The following ZRANB3 variants were observed in gnomAD, a reference collection of about 807,000 sequenced individuals.
ZRANB3 encodes DNA annealing helicase and endonuclease ZRANB3.
Under a neutral mutation model 133.8 loss-of-function variants are expected in ZRANB3, and 125 were observed. That is an observed-to-expected ratio of 0.93 (90% confidence interval 0.81 to 1.08). ZRANB3 has a LOEUF of 1.08. ZRANB3 is among the 50% of genes least tolerant of loss of function. The pLI, the probability that ZRANB3 is intolerant of heterozygous loss-of-function variation, is 0.00. For missense variants in ZRANB3, 1,229 were observed against 1,275.5 expected (o/e 0.96, Z 0.56); for synonymous variants, 387 against 432.7 (o/e 0.89, Z 1.31).
intron 14 of ZRANB3, 139 bp from the exon 15 acceptor site, chr2:135,224,656 G>T: frequency 1.8e-6 from 1 of 542,918 alleles, no homozygotes; most frequent in Non-Finnish European, 3.1e-6. Context: ...AATTGTCTAG[G>T]CTTGAAATAA....
chr2:135,265,456 C>T, intron 12 of ZRANB3, 78 bp downstream of exon 12: 4 of 1,377,316 alleles, frequency 2.9e-6, no homozygotes, highest in Non-Finnish European at 3.8e-6. Flanking sequence ...TTGAGAGTTG[C>T]TATTTAAAAC....
intron 2 of ZRANB3, among the ~76,000 whole-genome samples, chr2:135,465,055 A>T (rs1343817566): frequency 1.3e-5 from 2 of 152,208 alleles, no homozygotes; most frequent in African/African-American, 4.8e-5. Flanking sequence ...TGGAGAACAA[A>T]ATCGAAGAAG....
intron 8 of ZRANB3, among the ~76,000 whole-genome samples, chr2:135,280,192 T>C (rs1285733820): frequency 6.6e-6 from 1 of 152,228 alleles, no homozygotes; most frequent in Non-Finnish European, 1.5e-5. Flanking sequence ...TTTATTTTAC[T>C]AGAATTGATC....
intron 8 of ZRANB3, among the ~76,000 whole-genome samples, chr2:135,307,501 G>T (rs1289414124): frequency 6.6e-6 from 1 of 151,902 alleles, no homozygotes; most frequent in African/African-American, 2.4e-5. Flanking sequence ...CTTGCATGTT[G>T]TTTATCTTTT....
chr2:135,388,417 T>C (rs979721201), intron 3 of ZRANB3, among the ~76,000 whole-genome samples: 1 of 152,188 alleles, frequency 6.6e-6, no homozygotes, highest in African/African-American at 2.4e-5. Context: ...AAGGTGCATC[T>C]AGATTTCTAC....
intron 12 of ZRANB3, among the ~76,000 whole-genome samples, chr2:135,263,625 C>A (rs903657582): frequency 6.6e-6 from 1 of 151,742 alleles, no homozygotes; most frequent in African/African-American, 2.4e-5. Flanking sequence ...TGCCAGAAAG[C>A]AAGGAAGCAC....
Position 135,355,286 on chromosome 2 carries a change from C to T in ZRANB3, c.181-1658G>A, listed in dbSNP as rs571917193. On this transcript the variant is annotated intron_variant, in intron 3 of 20. Coordinates refer to ENST00000264159, the MANE Select transcript of ZRANB3 (RefSeq NM_032143.4). Reference sequence around the variant, plus strand: ...TTCAAAGCCCTCCAATTTTCACACCCGAAGCCACTCAAACATCACTGGATT... The same window carrying T: ...TTCAAAGCCCTCCAATTTTCACACCTGAAGCCACTCAAACATCACTGGATT... 6 of 985,136 alleles carry T rather than the reference C, an allele frequency of 6.1e-6. No individual in the cohort carries two copies. The African/African-American group carries it at 7.0e-5, about 11-fold the overall frequency. 61.0% of individuals were successfully genotyped at this position (985,136 alleles called of 1,614,324 possible).
At chr2:135,381,623 G>C (rs1686704006) in intron 3 of ZRANB3, among the ~76,000 whole-genome samples, 1 of 152,148 alleles carries the variant, frequency 6.6e-6, no homozygotes, top group East Asian at 1.9e-4. Flanking sequence ...ACCACACATG[G>C]CCGGGTATCC....
chr2:135,378,262 G>A (rs1166675765), intron 3 of ZRANB3, among the ~76,000 whole-genome samples: 1 of 152,206 alleles, frequency 6.6e-6, no homozygotes, highest in Non-Finnish European at 1.5e-5. Flanking sequence ...GGAGGCTGAA[G>A]CAGGCGGATC....
chr2:135,279,814 T>C (rs183666379), intron 8 of ZRANB3, among the ~76,000 whole-genome samples: 590 of 152,312 alleles, frequency 3.9e-3, no homozygotes, highest in Middle Eastern at 0.014. Flanking sequence ...CTAAATAGGC[T>C]CTTAGGACTA....
chr2:135,219,624 T>A (rs1192445000), intron 15 of ZRANB3, among the ~76,000 whole-genome samples: 1 of 152,200 alleles, frequency 6.6e-6, no homozygotes, highest in Admixed American at 6.5e-5. Context: ...AAGTATCACA[T>A]CAAAGAATGG....
At chr2:135,307,863 TC>T (rs1167745355) in intron 8 of ZRANB3, among the ~76,000 whole-genome samples, 2 of 152,166 alleles carry the variant, frequency 1.3e-5, no homozygotes, top group Admixed American at 1.3e-4. Flanking sequence ...AACCTCAAAT[TC>T]CCCCAGCAAT....
At chr2:135,420,723 C>T (rs1040543650) in intron 2 of ZRANB3, among the ~76,000 whole-genome samples, 2 of 151,950 alleles carry the variant, frequency 1.3e-5, no homozygotes, top group Admixed American at 6.6e-5. Flanking sequence ...ATTAAATTCT[C>T]GGAATAATCA....
At chr2:135,522,144 C>T (rs1397785560) in intron 1 of ZRANB3, among the ~76,000 whole-genome samples, 1 of 152,182 alleles carries the variant, frequency 6.6e-6, no homozygotes, top group African/African-American at 2.4e-5. Context: ...AGTTAAAGAT[C>T]TTAAGTAGTT....
In ZRANB3 at chr2:135,274,056, A is replaced by G. The variant is rs1335689338; in HGVS notation, c.1086+1580T>C. 2.6e-5 allele frequency among the ~76,000 whole-genome samples: 4 copies of G among 152,236 alleles called. No individual in the cohort carries two copies. In the East Asian group the frequency reaches 7.7e-4, roughly 29 times the overall value. On this transcript the variant is annotated intron_variant, in intron 9 of 20. Coordinates refer to ENST00000264159, the MANE Select transcript of ZRANB3 (RefSeq NM_032143.4). Reference sequence around the variant, plus strand: ...TCTTAGAGGGTGTTTTTCAGAAACTATATGATAACCAATGAGAAAGTACCT... The same window carrying G: ...TCTTAGAGGGTGTTTTTCAGAAACTGTATGATAACCAATGAGAAAGTACCT...
intron 1 of ZRANB3, among the ~76,000 whole-genome samples, chr2:135,510,321 T>G (rs1156793857): frequency 6.6e-6 from 1 of 152,134 alleles, no homozygotes; most frequent in East Asian, 1.9e-4. Flanking sequence ...CCGTTACTCC[T>G]AAAATATCAT....
rs369638281 is a variant in ZRANB3 at position 135,204,592 on chromosome 2, A to C, written c.3010-1629T>G. 1.4e-3 allele frequency among the ~76,000 whole-genome samples: 211 copies of C among 149,974 alleles called. 1 individual carries two copies. Among genetic ancestry groups the C allele is most frequent in the Middle Eastern group, 0.01 (3 of 290 alleles). On this transcript the variant is annotated intron_variant, in intron 19 of 20. Transcript: ENST00000264159. The stretch of plus-strand genomic sequence containing the variant: ...AGGATCACTTGGCCCAGGAGCCAGG[A>C]GTTCAAGATCATCCTGGGAAACACA...
chr2:135,395,611 C>A (rs575310224), intron 2 of ZRANB3, among the ~76,000 whole-genome samples: 2 of 151,944 alleles, frequency 1.3e-5, no homozygotes, highest in Non-Finnish European at 2.9e-5. Context: ...GCGCACACCA[C>A]GACGCCCGGC....
intron 2 of ZRANB3, among the ~76,000 whole-genome samples, chr2:135,495,220 C>G (rs771568342): frequency 1.3e-5 from 2 of 151,652 alleles, no homozygotes; most frequent in African/African-American, 2.4e-5. Context: ...AGAGTGAGAT[C>G]ATGTTTCTAA....
Sources: gnomAD v4.1 joint callset for allele counts (sites outside exome capture counted in the v4.1 genomes callset) on GRCh38, gnomAD v4.1.1 for gene constraint, MANE v1.5 for transcripts, NCBI Gene and HGNC (gene_info 2026-07-23, HGNC 2026-07-21) for gene names.